The following TBC1D2B variants were observed in gnomAD, a reference collection of about 807,000 sequenced individuals.
TBC1D2B encodes the protein TBC1 domain family member 2B.
TBC1D2B carries 64 observed loss-of-function variants against 100.8 expected under a neutral mutation model. The ratio of observed to expected loss-of-function variants is 0.64; its 90% CI spans 0.52 to 0.78. The LOEUF is 0.78. Ranked by LOEUF, TBC1D2B falls within the 30% of genes least tolerant of loss-of-function variation. TBC1D2B has a pLI of 0.00. For missense variants in TBC1D2B, 1,052 were observed against 1,218.4 expected (o/e 0.86, Z 2.03); for synonymous variants, 480 against 479.7 (o/e 1.00, Z -0.01).
At chr15:78,052,077 C>G (rs1318866033) in intron 2 of TBC1D2B, among the ~76,000 whole-genome samples, 1 of 152,224 alleles carries the variant, frequency 6.6e-6, no homozygotes, top group African/African-American at 2.4e-5. Context: ...GGCTCTCCCC[C>G]AGCTCTGGCT....
In TBC1D2B at chr15:78,024,221, C is replaced by A. The variant is rs766290976; in HGVS notation, c.1405G>T (p.Val469Leu). 6.2e-7 allele frequency: 1 copy of A among 1,613,898 alleles called. No homozygotes were observed. The highest frequency in any genetic ancestry group is 8.5e-7 in the Non-Finnish European group (1 of 1,179,888). ...EGEGNGPPPT[V>L]APSSPSVVPV... ...ACAACCGAAGGGGAGCTGGGCGCCACGGTGGGAGGAGGCCCGTTGCCCTCG... is the reference window on the plus strand; with the variant it reads ...ACAACCGAAGGGGAGCTGGGCGCCAAGGTGGGAGGAGGCCCGTTGCCCTCG... Residue 469 changes from valine to leucine, a missense_variant, in exon 6 of 13, where the codon GTG becomes TTG. Physicochemically the swap from Val to Leu is conservative, Grantham distance 32. Transcript: ENST00000300584.
At chr15:78,033,987 C>A (rs996665956) in intron 3 of TBC1D2B, among the ~76,000 whole-genome samples, 1 of 152,194 alleles carries the variant, frequency 6.6e-6, no homozygotes, top group African/African-American at 2.4e-5. Context: ...TCACCAGAAA[C>A]CAGCAATTAT....
rs1284562922 is a variant in TBC1D2B, at chr15:78,001,696, C to T, written c.2619G>A (p.Glu873=). Residue 873 remains glutamate (E), a synonymous_variant, in exon 12 of 13, where the codon GAG becomes GAA. Transcript: ENST00000300584. ...TCGAATCTTGCAATTTCAAAATCTC[C>T]TCTTCCTTGTACTTAAAAAGTGCCA... is the stretch of plus-strand genomic sequence containing the variant. The part of the protein sequence containing the change: ...FALALFKYKE[E]EILKLQDSMS... The T allele has an allele frequency of 1.9e-6, 3 of 1,608,600 alleles. No homozygotes were observed. Among genetic ancestry groups the T allele is most frequent in the Admixed American group, 1.7e-5 (1 of 59,240 alleles).
At chr15:78,009,892 G>A (rs954767134) in intron 9 of TBC1D2B, among the ~76,000 whole-genome samples, 6 of 151,148 alleles carry the variant, frequency 4.0e-5, no homozygotes, top group Non-Finnish European at 7.4e-5. Context: ...GGAGAATGGC[G>A]TGAACCCGGG....
intron 1 of TBC1D2B, among the ~76,000 whole-genome samples, chr15:78,056,624 G>T (rs2073426927): frequency 6.6e-6 from 1 of 150,432 alleles, no homozygotes; most frequent in South Asian, 2.1e-4. Context: ...CACTAGGCAA[G>T]TCAGGAACTG....
At chr15:78,046,560 AG>A (rs1387920398) in intron 2 of TBC1D2B, among the ~76,000 whole-genome samples, 2 of 151,846 alleles carry the variant, frequency 1.3e-5, no homozygotes, top group African/African-American at 4.8e-5. Flanking sequence ...TCAACCTCCC[AG>A]GCTCATGCAA....
At position 78,009,128 on chromosome 15, in the gene TBC1D2B, G is replaced by C. The variant is rs1247939968; in HGVS notation, c.2271-14C>G. The C allele has an allele frequency of 7.0e-6, 11 of 1,566,978 alleles. No homozygotes were observed. The highest frequency in any genetic ancestry group is 9.6e-6 in the Non-Finnish European group (11 of 1,149,036). On this transcript the variant is annotated splice_polypyrimidine_tract_variant and intron_variant, in intron 9 of 12. Transcript: ENST00000300584. Reference sequence around the variant, plus strand: ...ACTGCCACCAACCTACAAGCAAAGGGAGGACAAGATGAGAGCCCAGGCACA... The same window carrying C: ...ACTGCCACCAACCTACAAGCAAAGGCAGGACAAGATGAGAGCCCAGGCACA...
rs957496901 is a variant in TBC1D2B, at chr15:78,011,656, T to G, written c.2270+1167A>C. Among the ~76,000 whole-genome samples the G allele has an allele frequency of 1.0e-3, 156 of 149,060 alleles. 5 individuals carry two copies. In the East Asian group the frequency reaches 0.012, roughly 12 times the overall value. ...CAGCTAATTTTTTGGTTTTTTTTTT[T>G]TTTTTTTTTTTAGACAGAGTCTCGC... On this transcript the variant is annotated intron_variant, in intron 9 of 12. Coordinates refer to ENST00000300584, the MANE Select transcript of TBC1D2B (RefSeq NM_144572.2).
intron 1 of TBC1D2B, among the ~76,000 whole-genome samples, chr15:78,059,036 C>T (rs1343288812): frequency 2.0e-5 from 3 of 151,698 alleles, no homozygotes; most frequent in Non-Finnish European, 2.9e-5. Flanking sequence ...TTTTGTCTCC[C>T]CTAACACCAG....
In TBC1D2B at chr15:77,998,151, C is replaced by T. The variant is rs1374182401; in HGVS notation, c.*9G>A. Reference sequence around the variant, plus strand: ...TGTGAAGGAAGGAAGAGCAGCATCCCGAGCCCACTCAGGTATCCTCCTCCT... The same window carrying T: ...TGTGAAGGAAGGAAGAGCAGCATCCTGAGCCCACTCAGGTATCCTCCTCCT... On this transcript the variant is annotated 3_prime_UTR_variant, in exon 13 of 13. Transcript: ENST00000300584. The T allele has an allele frequency of 3.3e-6, 5 of 1,504,104 alleles. No individual in the cohort carries two copies. Among genetic ancestry groups the T allele is most frequent in the East Asian group, 2.6e-5 (1 of 38,594 alleles). The allele number at this position is 1,504,104 out of a possible 1,614,324, so 93.2% of individuals were successfully genotyped here. A position where few individuals can be genotyped will look rare whatever the true frequency, so the allele number is the denominator to read the frequency against.
At chr15:78,020,025 G>A (rs1182094256) in intron 6 of TBC1D2B, among the ~76,000 whole-genome samples, 1 of 152,100 alleles carries the variant, frequency 6.6e-6, no homozygotes, top group Non-Finnish European at 1.5e-5. Context: ...GAGTAGCTAG[G>A]ACCAAAGGCA....
At chr15:78,045,232 G>A (rs2141772873) in intron 2 of TBC1D2B, among the ~76,000 whole-genome samples, 164 bp from the exon 3 acceptor site, 1 of 152,326 alleles carries the variant, frequency 6.6e-6, no homozygotes, top group South Asian at 2.1e-4. Context: ...TAACTCTGAT[G>A]TTCTGAAACC....
chr15:78,065,092 G>A (rs2073630336), intron 1 of TBC1D2B, among the ~76,000 whole-genome samples: 1 of 152,222 alleles, frequency 6.6e-6, no homozygotes, highest in African/African-American at 2.4e-5. Flanking sequence ...TCCCTGGGAA[G>A]ATGCCACATT....
intron 4 of TBC1D2B, among the ~76,000 whole-genome samples, chr15:78,026,772 A>G (rs1196337593): frequency 2.0e-5 from 3 of 151,926 alleles, no homozygotes; most frequent in Non-Finnish European, 4.4e-5. Flanking sequence ...GTGGTGGTGC[A>G]TGCCTGTAAT....
chr15:78,061,118 C>T (rs1157575574), intron 1 of TBC1D2B, among the ~76,000 whole-genome samples: 1 of 151,948 alleles, frequency 6.6e-6, no homozygotes, highest in African/African-American at 2.4e-5. Flanking sequence ...GTGGCACACT[C>T]CTGTAATCCC....
At chr15:78,040,694 G>C (rs1181976036) in intron 3 of TBC1D2B, among the ~76,000 whole-genome samples, 1 of 139,244 alleles carries the variant, frequency 7.2e-6, no homozygotes, top group Non-Finnish European at 1.5e-5. Context: ...AGAAAGAAAG[G>C]GGGGGAGGGA....
At chr15:78,033,597 G>C (rs183064990) in intron 3 of TBC1D2B, among the ~76,000 whole-genome samples, 350 of 152,272 alleles carry the variant, frequency 2.3e-3, no homozygotes, top group African/African-American at 8.1e-3. Context: ...ACATCGCTGT[G>C]TATAATTTCT....
intron 3 of TBC1D2B, among the ~76,000 whole-genome samples, chr15:78,040,838 A>AGAAAGGAAGAAAGAAAGAAAGAAAGAAAG (rs369034180): frequency 6.0e-5 from 1 of 16,564 alleles, no homozygotes; most frequent in Non-Finnish European, 1.8e-4. Context: ...AAAGAAAGAA[A>AGAAAGGAAGAAAGAAAGAAAGAAAGAAAG]AAAGAAAGAA....
Position 78,047,088 on chromosome 15 carries a change from G to A in TBC1D2B, c.515-2020C>T, listed in dbSNP as rs919408130. Among the ~76,000 whole-genome samples the A allele has an allele frequency of 3.9e-5, 6 of 152,220 alleles. No individual in the cohort carries two copies. In the South Asian group the frequency reaches 1.0e-3, roughly 26 times the overall value. ...CAGGAGAGTCAATGCATGGCTTACA[G>A]TAGGGTTCTGACTAAGAAAAGCAAG... is the stretch of plus-strand genomic sequence containing the variant. On this transcript the variant is annotated intron_variant, in intron 2 of 12. Transcript: ENST00000300584.
Sources: allele counts gnomAD v4.1 joint callset (sites outside exome capture counted in the v4.1 genomes callset), GRCh38; gene constraint gnomAD v4.1.1; transcripts MANE v1.5; gene names NCBI Gene and HGNC (gene_info 2026-07-23, HGNC 2026-07-21).